The following ZC3H12B variants were observed in gnomAD, a reference collection of about 807,000 sequenced individuals.
ZC3H12B encodes the protein probable ribonuclease ZC3H12B.
A neutral mutation model predicts 43.9 loss-of-function variants in ZC3H12B; 7 were observed. The observed-to-expected ratio is 0.16, with a 90% CI of 0.09 to 0.30. The LOEUF (loss-of-function observed/expected upper bound fraction) is 0.30, where lower values mean the gene tolerates loss of function less well. Among genes scored for constraint, ZC3H12B ranks in the 10% least tolerant of loss-of-function variants. The pLI is 1.00. For synonymous variants in ZC3H12B, 222 were observed against 241.7 expected, an observed-to-expected ratio of 0.92 and a Z score of 0.76; for missense variants, 475 against 670.2, an observed-to-expected ratio of 0.71 and a Z score of 3.22.
At position 65,412,780 on chromosome X, in the gene ZC3H12B, C is replaced by A. The variant is rs142363987; in HGVS notation, n.407+14076C>A. ...ACTGCACCTGGTCTTACTTTCAGTT[C>A]TTTTCTATTATATACCTAGCCCTAG... On this transcript the variant is annotated intron_variant and non_coding_transcript_variant, in intron 3 of 5. Transcript: ENST00000617377. Among the ~76,000 whole-genome samples, 1,102 of 111,592 alleles carry A rather than the reference C, an allele frequency of 9.9e-3. 14 individuals carry two copies. Among genetic ancestry groups the A allele is most frequent in the African/African-American group, 0.034 (1,047 of 30,672 alleles).
intron 2 of ZC3H12B, among the ~76,000 whole-genome samples, chrX:65,381,659 C>A (rs1247665610): frequency 8.9e-6 from 1 of 111,746 alleles, no homozygotes; most frequent in Non-Finnish European, 1.9e-5. Flanking sequence ...ATCAATGAAT[C>A]CAGGAGCTGG....
chrX:65,241,380 A>G, the ZC3H12B span, among the ~76,000 whole-genome samples: 1 of 110,686 alleles, frequency 9.0e-6, no homozygotes, highest in Non-Finnish European at 1.9e-5. Flanking sequence ...CCTCATGAGG[A>G]CCACCTGGAC....
At chrX:65,161,810 G>T in the ZC3H12B span, among the ~76,000 whole-genome samples, 2 of 111,638 alleles carry the variant, frequency 1.8e-5, no homozygotes, top group African/African-American at 6.5e-5. Context: ...TCATTATGGT[G>T]TTAGTTAGCT....
the ZC3H12B span, among the ~76,000 whole-genome samples, chrX:65,079,757 C>T: frequency 2.7e-5 from 3 of 111,485 alleles, no homozygotes; most frequent in African/African-American, 6.5e-5. Context: ...AGGAAAAGAA[C>T]AAACAAGCTC....
At chrX:65,296,827 C>G in the ZC3H12B span, among the ~76,000 whole-genome samples, 5 of 111,180 alleles carry the variant, frequency 4.5e-5, no homozygotes, top group African/African-American at 1.6e-4. Flanking sequence ...GGGTTTCATA[C>G]CAGAGATCCA....
At chrX:65,334,957 T>C in the ZC3H12B span, among the ~76,000 whole-genome samples, 1 of 111,756 alleles carries the variant, frequency 8.9e-6, no homozygotes, top group South Asian at 3.8e-4. Flanking sequence ...TGGGGACACT[T>C]CCGTATCTTC....
At chrX:65,308,872 C>G in the ZC3H12B span, among the ~76,000 whole-genome samples, 6 of 112,074 alleles carry the variant, frequency 5.4e-5, no homozygotes, top group African/African-American at 9.7e-5. Flanking sequence ...ACTGAACAAC[C>G]TGCTTCTGAA....
At chrX:65,226,468 G>A in the ZC3H12B span, among the ~76,000 whole-genome samples, 4 of 110,905 alleles carry the variant, frequency 3.6e-5, no homozygotes, top group South Asian at 3.8e-4. Context: ...GTCAACCTGC[G>A]TCAACTAATG....
At chrX:65,140,958 TGTTA>T in the ZC3H12B span, among the ~76,000 whole-genome samples, 1 of 112,154 alleles carries the variant, frequency 8.9e-6, no homozygotes, top group African/African-American at 3.2e-5. Context: ...TTTGTTTATT[TGTTA>T]GTTTAACTAA....
chrX:65,170,679 C>T, the ZC3H12B span, among the ~76,000 whole-genome samples: 8 of 111,716 alleles, frequency 7.2e-5, no homozygotes, highest in Admixed American at 9.5e-5. Flanking sequence ...ACCAATGAGA[C>T]GTAGGTTTGG....
intron 3 of ZC3H12B, among the ~76,000 whole-genome samples, chrX:65,482,471 G>A (rs960843297): frequency 5.4e-5 from 6 of 111,935 alleles, no homozygotes; most frequent in Admixed American, 3.8e-4. Flanking sequence ...AGCAGAGACC[G>A]TCTCCTGTAG....
At chrX:65,140,776 T>C in the ZC3H12B span, among the ~76,000 whole-genome samples, 1 of 111,995 alleles carries the variant, frequency 8.9e-6, no homozygotes, top group South Asian at 3.7e-4. Flanking sequence ...AGATTTTATG[T>C]TTCTTCCTTA....
chrX:65,294,019 A>C, the ZC3H12B span, among the ~76,000 whole-genome samples: 1 of 111,680 alleles, frequency 9.0e-6, no homozygotes. Context: ...CAGGAAATTT[A>C]TTGCCAAAAG....
chrX:65,179,983 A>G, the ZC3H12B span, among the ~76,000 whole-genome samples: 6 of 111,918 alleles, frequency 5.4e-5, no homozygotes, highest in African/African-American at 1.9e-4. Context: ...AAAAAGAGGG[A>G]CTTCTCCCTA....
the ZC3H12B span, among the ~76,000 whole-genome samples, chrX:65,091,520 G>T: frequency 8.9e-6 from 1 of 112,190 alleles, no homozygotes; most frequent in Non-Finnish European, 1.9e-5. Context: ...ATTCTAGCCT[G>T]TCAAGTTTAT....
At chrX:65,171,229 G>T in the ZC3H12B span, among the ~76,000 whole-genome samples, 1 of 111,369 alleles carries the variant, frequency 9.0e-6, no homozygotes, top group Admixed American at 9.7e-5. Flanking sequence ...CGGTGTGGAT[G>T]TCCTTTCTGT....
the ZC3H12B span, among the ~76,000 whole-genome samples, chrX:65,253,760 C>T: frequency 1.8e-5 from 2 of 111,946 alleles, no homozygotes; most frequent in Non-Finnish European, 3.8e-5. Context: ...CCATGCCTGA[C>T]CATGAAAGAG....
At chrX:65,329,797 T>TA in the ZC3H12B span, among the ~76,000 whole-genome samples, 1 of 111,573 alleles carries the variant, frequency 9.0e-6, no homozygotes, top group Non-Finnish European at 1.9e-5. Flanking sequence ...CACCATTTAG[T>TA]AATAGGGAAT....
the ZC3H12B span, among the ~76,000 whole-genome samples, chrX:65,137,974 G>A: frequency 1.7e-4 from 19 of 111,648 alleles, no homozygotes; most frequent in South Asian, 3.8e-4. Flanking sequence ...GATTGCAGGC[G>A]TGCACCACCA....
Sources: allele counts gnomAD v4.1 joint callset (sites outside exome capture counted in the v4.1 genomes callset), GRCh38; gene constraint gnomAD v4.1.1; transcripts MANE v1.5; gene names NCBI Gene and HGNC (gene_info 2026-07-23, HGNC 2026-07-21).